THSD7B: variants seen among roughly 807,000 people sequenced by gnomAD.
THSD7B encodes the protein thrombospondin type 1 domain containing 7B.
In THSD7B, 138 loss-of-function variants were observed where a neutral mutation model predicts 213.6. The observed-to-expected ratio is 0.65, with a 90% CI of 0.56 to 0.74. THSD7B has a LOEUF of 0.74. Among genes scored for constraint, THSD7B ranks in the 30% least tolerant of loss-of-function variants. The pLI is 0.00. For missense variants in THSD7B, 1,931 were observed against 1,991.5 expected (o/e 0.97, Z 0.58); for synonymous variants, 742 against 687.0 (o/e 1.08, Z -1.25).
intron 16 of THSD7B, among the ~76,000 whole-genome samples, chr2:137,569,384 C>A (rs141824229): frequency 1.9e-4 from 29 of 152,138 alleles, no homozygotes; most frequent in African/African-American, 6.5e-4. Flanking sequence ...AGGATGGTGT[C>A]CCCATTAAGT....
In THSD7B at chr2:137,419,418, A is replaced by C. The variant is rs150473227; in HGVS notation, c.2959+7546A>C. ...AGAATGAGGATACACTGATAATCGA[A>C]GAGTGAAAAGGACAGAGAATAATGT... On this transcript the variant is annotated intron_variant, in intron 14 of 27. Coordinates refer to ENST00000409968, the MANE Select transcript of THSD7B (RefSeq NM_001316349.2). Among the ~76,000 whole-genome samples the C allele has an allele frequency of 3.8e-3, 133 of 34,786 alleles. 28 individuals carry two copies. Among genetic ancestry groups the C allele is most frequent in the African/African-American group, 5.9e-3 (130 of 21,898 alleles). 22.8% of individuals were successfully genotyped at this position (34,786 alleles called of 152,430 possible). A position where few individuals can be genotyped will look rare whatever the true frequency, so the allele number is the denominator to read the frequency against.
intron 15 of THSD7B, among the ~76,000 whole-genome samples, chr2:137,498,055 A>G (rs1207488682): frequency 6.6e-6 from 1 of 152,210 alleles, no homozygotes; most frequent in Non-Finnish European, 1.5e-5. Flanking sequence ...CCACCATTGC[A>G]TATTAAATAA....
chr2:136,898,259 T>C (rs912997305), intron 2 of THSD7B, among the ~76,000 whole-genome samples: 2 of 152,268 alleles, frequency 1.3e-5, no homozygotes, highest in African/African-American at 2.4e-5. Flanking sequence ...CTTGTCCTTC[T>C]TTTGTTAAGT....
At chr2:136,790,326 A>G (rs1314729562) in intron 1 of THSD7B, among the ~76,000 whole-genome samples, 2 of 152,088 alleles carry the variant, frequency 1.3e-5, no homozygotes, top group Admixed American at 1.3e-4. Context: ...CTTATTTAAT[A>G]TCTTAAAATA....
At chr2:137,022,445 GAAGTC>G (rs1295631966) in intron 2 of THSD7B, among the ~76,000 whole-genome samples, 1 of 152,020 alleles carries the variant, frequency 6.6e-6, no homozygotes, top group African/African-American at 2.4e-5. Flanking sequence ...AAGCCACACA[GAAGTC>G]AAGTATTTGT....
At chr2:136,792,205 A>G (rs1326468290) in intron 1 of THSD7B, among the ~76,000 whole-genome samples, 1 of 151,980 alleles carries the variant, frequency 6.6e-6, no homozygotes, top group African/African-American at 2.4e-5. Flanking sequence ...TCACCCCCTA[A>G]AATTTCCTCT....
chr2:137,113,435 T>G (rs530719731), intron 4 of THSD7B, among the ~76,000 whole-genome samples: 15 of 152,270 alleles, frequency 9.9e-5, no homozygotes, highest in Non-Finnish European at 1.8e-4. Flanking sequence ...TGTGTGTTTT[T>G]TTTGTTTGTT....
At chr2:137,406,204 C>G (rs1284921859) in intron 13 of THSD7B, among the ~76,000 whole-genome samples, 1 of 152,136 alleles carries the variant, frequency 6.6e-6, no homozygotes, top group Non-Finnish European at 1.5e-5. Context: ...TAACTGACAT[C>G]ATTGTCTTTT....
chr2:137,136,472 C>T (rs949589367), intron 5 of THSD7B, among the ~76,000 whole-genome samples: 1 of 152,148 alleles, frequency 6.6e-6, no homozygotes, highest in Non-Finnish European at 1.5e-5. Flanking sequence ...AGGATTCAAA[C>T]TTGCTTTGTT....
chr2:137,115,961 T>C (rs945980461), intron 5 of THSD7B, among the ~76,000 whole-genome samples: 1 of 152,196 alleles, frequency 6.6e-6, no homozygotes, highest in Non-Finnish European at 1.5e-5. Flanking sequence ...TTGTGACCTG[T>C]TCTAACCACA....
intron 17 of THSD7B, 73 bp downstream of exon 17, chr2:137,572,629 G>A: frequency 6.6e-7 from 1 of 1,513,290 alleles, no homozygotes; most frequent in South Asian, 1.2e-5. Context: ...TGCATTCACA[G>A]TGCTAGTCTC....
At chr2:137,301,887 G>A (rs931930239) in intron 12 of THSD7B, among the ~76,000 whole-genome samples, 2 of 152,066 alleles carry the variant, frequency 1.3e-5, no homozygotes, top group African/African-American at 2.4e-5. Context: ...TGAAATGGAT[G>A]GCTTTTGAAA....
In THSD7B at chr2:137,094,304, C is replaced by T. The variant is rs182560273; in HGVS notation, c.951-569C>T. 3.9e-3 allele frequency among the ~76,000 whole-genome samples: 595 copies of T among 152,296 alleles called. 3 individuals carry two copies. The highest frequency in any genetic ancestry group is 0.014 in the South Asian group (67 of 4,828). On this transcript the variant is annotated intron_variant, in intron 3 of 27. Transcript: ENST00000409968. ...AGTCTAGAAGGGCTGGGCGCGATGG[C>T]TCATGCCTGTAGTCCCAGTACTTTG...
chr2:136,865,689 C>T (rs1683321223), intron 1 of THSD7B, among the ~76,000 whole-genome samples: 1 of 152,180 alleles, frequency 6.6e-6, no homozygotes, highest in Non-Finnish European at 1.5e-5. Flanking sequence ...AAAACAATAG[C>T]ATGTGTTGAA....
At chr2:137,399,875 G>C (rs1686310220) in intron 12 of THSD7B, among the ~76,000 whole-genome samples, 1 of 151,898 alleles carries the variant, frequency 6.6e-6, no homozygotes, top group Non-Finnish European at 1.5e-5. Context: ...CATCTTAAAT[G>C]CTTTGTTCAT....
intron 25 of THSD7B, among the ~76,000 whole-genome samples, 197 bp downstream of exon 25, chr2:137,659,943 A>C (rs1421386590): frequency 6.6e-6 from 1 of 152,186 alleles, no homozygotes; most frequent in Non-Finnish European, 1.5e-5. Context: ...TTTTCTATAA[A>C]TCTGTCTTTA....
rs76185038 is a variant in THSD7B, at chr2:137,287,799, A to T, written c.2500+11773A>T. Among the ~76,000 whole-genome samples, 7 of 152,102 alleles carry T rather than the reference A, an allele frequency of 4.6e-5. 1 individual carries two copies. The highest frequency in any genetic ancestry group is 1.4e-4 in the African/African-American group (6 of 41,510). ...GGTGGGTGGGGGTAATTTTTTTTAAATTGGTGAATGCAGTCATTTGTAAAA... is the reference window on the plus strand; with the variant it reads ...GGTGGGTGGGGGTAATTTTTTTTAATTTGGTGAATGCAGTCATTTGTAAAA... On this transcript the variant is annotated intron_variant, in intron 12 of 27. Coordinates refer to ENST00000409968, the MANE Select transcript of THSD7B (RefSeq NM_001316349.2).
intron 3 of THSD7B, among the ~76,000 whole-genome samples, chr2:137,059,686 T>C (rs561490050): frequency 1.3e-5 from 2 of 151,888 alleles, no homozygotes; most frequent in African/African-American, 2.4e-5. Context: ...TTAAGTTTGT[T>C]CCATGTCTGT....
intron 2 of THSD7B, among the ~76,000 whole-genome samples, chr2:136,905,110 A>T (rs1254526437): frequency 2.6e-5 from 4 of 152,224 alleles, no homozygotes. Context: ...GTGGGTTGCT[A>T]AGACAATGCA....
Sources: gnomAD v4.1 joint callset for allele counts (sites outside exome capture counted in the v4.1 genomes callset) on GRCh38, gnomAD v4.1.1 for gene constraint, MANE v1.5 for transcripts, NCBI Gene and HGNC (gene_info 2026-07-23, HGNC 2026-07-21) for gene names.